NUP93: variants seen among roughly 807,000 people sequenced by gnomAD.
NUP93 encodes the protein nuclear pore complex protein Nup93.
Under a neutral mutation model 107.8 loss-of-function variants are expected in NUP93, and 55 were observed. The ratio of observed to expected loss-of-function variants is 0.51; its 90% confidence interval spans 0.41 to 0.64. The LOEUF (loss-of-function observed/expected upper bound fraction) is 0.64, where lower values mean the gene tolerates loss of function less well. NUP93 is among the 30% of genes least tolerant of loss of function. The probability of loss-of-function intolerance (pLI) is 0.00; values close to 1 mark genes in which losing one functional copy is unlikely to be tolerated. For missense variants in NUP93, 937 were observed against 1,044.7 expected (o/e 0.90, Z 1.42); for synonymous variants, 390 against 397.5 (o/e 0.98, Z 0.22).
intron 7 of NUP93, among the ~76,000 whole-genome samples, chr16:56,822,936 G>T (rs79998055): frequency 0.035 from 5,395 of 152,218 alleles, 128 homozygotes; most frequent in East Asian, 0.075. Flanking sequence ...ATGAAAACAG[G>T]CTTTTCTCTT....
intron 5 of NUP93, among the ~76,000 whole-genome samples, chr16:56,807,319 G>GC (rs1173599686): frequency 1.3e-5 from 2 of 152,100 alleles, no homozygotes; most frequent in African/African-American, 2.4e-5. Flanking sequence ...ACCTTCCAAG[G>GC]CCCTGAAATC....
chr16:56,761,588 C>G (rs1453549984), intron 3 of NUP93, among the ~76,000 whole-genome samples: 3 of 151,816 alleles, frequency 2.0e-5, no homozygotes, highest in African/African-American at 7.3e-5. Flanking sequence ...AGAATGCACC[C>G]TAATTCCATG....
chr16:56,803,743 GAA>G (rs1244625405), intron 4 of NUP93, among the ~76,000 whole-genome samples: 5 of 40,220 alleles, frequency 1.2e-4, no homozygotes, highest in African/African-American at 1.1e-3. Flanking sequence ...AAAAAACAGG[GAA>G]AAATATATAT....
intron 5 of NUP93, among the ~76,000 whole-genome samples, chr16:56,809,960 A>C (rs974804392): frequency 6.6e-6 from 1 of 152,226 alleles, no homozygotes; most frequent in Non-Finnish European, 1.5e-5. Context: ...TAATTAGAAC[A>C]GCTCATGGTT....
chr16:56,749,420 A>G (rs1167780714), intron 2 of NUP93, among the ~76,000 whole-genome samples: 1 of 152,018 alleles, frequency 6.6e-6, no homozygotes, highest in Non-Finnish European at 1.5e-5. Flanking sequence ...AGTGAGGTTG[A>G]CTCCAGAGTG....
At chr16:56,791,523 C>T (rs76018481) in intron 3 of NUP93, among the ~76,000 whole-genome samples, 2,327 of 152,264 alleles carry the variant, frequency 0.015, 29 homozygotes, top group Admixed American at 0.04. Flanking sequence ...GGCCATTTGG[C>T]GAAAACAAAC....
chr16:56,748,061 T>C (rs1182530306), intron 1 of NUP93, 173 bp from the exon 2 acceptor site: 11 of 473,746 alleles, frequency 2.3e-5, no homozygotes, highest in Non-Finnish European at 3.8e-6. Context: ...TCATTTTCTC[T>C]GTCAGGCCTG....
Position 56,844,578 on chromosome 16 carries a change from G to A in NUP93, c.2429G>A (p.Arg810Lys). ...PYRTSGDTNARLVQMEVLMN is the reference protein window; with the variant it reads ...PYRTSGDTNAKLVQMEVLMN ...CGAACGTCTGGGGACACCAATGCGAGGCTGGTGCAGATGGAGGTCCTCATG... is the reference window on the plus strand; with the variant it reads ...CGAACGTCTGGGGACACCAATGCGAAGCTGGTGCAGATGGAGGTCCTCATG... The change falls in exon 22 of 22, where the codon AGG becomes AAG. Residue 810 changes from arginine to lysine, a missense_variant. Arg to Lys is a conservative substitution (Grantham distance 26). Coordinates refer to ENST00000308159, the MANE Select transcript of NUP93 (RefSeq NM_014669.5). 6.3e-7 allele frequency: 1 copy of A among 1,592,564 alleles called. No individual in the cohort carries two copies. Among genetic ancestry groups the A allele is most frequent in the Non-Finnish European group, 8.5e-7 (1 of 1,169,724 alleles).
At chr16:56,821,689 G>C in intron 7 of NUP93, 96 bp downstream of exon 7, 3 of 709,796 alleles carry the variant, frequency 4.2e-6, no homozygotes, top group Non-Finnish European at 7.5e-6. Context: ...GCGGAGACAC[G>C]CCATTCTGTG....
chr16:56,794,986 C>T (rs1355962912), intron 3 of NUP93, among the ~76,000 whole-genome samples: 1 of 140,674 alleles, frequency 7.1e-6, no homozygotes, highest in Non-Finnish European at 1.5e-5. Context: ...TCATTATTGA[C>T]TGGGAAGAAC....
At chr16:56,833,986 G>C (rs1963856497) in intron 13 of NUP93, 142 bp from the exon 14 acceptor site, 5 of 1,144,566 alleles carry the variant, frequency 4.4e-6, no homozygotes, top group Admixed American at 2.1e-5. Flanking sequence ...AAAAGGGACT[G>C]GCCAAAGCTT....
At chr16:56,788,522 T>C (rs1016046142) in intron 3 of NUP93, among the ~76,000 whole-genome samples, 2 of 152,238 alleles carry the variant, frequency 1.3e-5, no homozygotes, top group Non-Finnish European at 2.9e-5. Context: ...TCATTTATAT[T>C]ATGCCCTTAA....
chr16:56,770,269 A>G (rs1194255524), intron 3 of NUP93, among the ~76,000 whole-genome samples: 1 of 152,182 alleles, frequency 6.6e-6, no homozygotes, highest in African/African-American at 2.4e-5. Context: ...AATCTAGCTG[A>G]AGGGCTGGTG....
intron 2 of NUP93, among the ~76,000 whole-genome samples, chr16:56,749,611 G>A (rs1230673964): frequency 6.6e-6 from 1 of 152,200 alleles, no homozygotes; most frequent in Admixed American, 6.5e-5. Context: ...GTTAATGTGG[G>A]ACATCGTCTG....
intron 3 of NUP93, among the ~76,000 whole-genome samples, chr16:56,796,007 G>C (rs1423819407): frequency 9.9e-5 from 15 of 152,172 alleles, no homozygotes; most frequent in African/African-American, 3.6e-4. Context: ...ATCCATCCCA[G>C]TGCACTGCCC....
At chr16:56,787,985 A>T (rs1302222052) in intron 3 of NUP93, among the ~76,000 whole-genome samples, 1 of 152,154 alleles carries the variant, frequency 6.6e-6, no homozygotes, top group Non-Finnish European at 1.5e-5. Context: ...CACTGTTAAT[A>T]TTCCATTTGT....
chr16:56,814,807 C>T (rs1027066606), intron 5 of NUP93, among the ~76,000 whole-genome samples: 2 of 152,226 alleles, frequency 1.3e-5, no homozygotes, highest in Non-Finnish European at 2.9e-5. Context: ...GCTCCCTGCT[C>T]CTGTCATCTT....
intron 5 of NUP93, among the ~76,000 whole-genome samples, chr16:56,816,650 G>A (rs1156652371): frequency 6.6e-6 from 1 of 152,188 alleles, no homozygotes; most frequent in Admixed American, 6.5e-5. Flanking sequence ...ATACTAGCAG[G>A]CTTGTGTTTC....
intron 2 of NUP93, among the ~76,000 whole-genome samples, chr16:56,752,776 G>C (rs1186655692): frequency 6.6e-6 from 1 of 152,224 alleles, no homozygotes; most frequent in African/African-American, 2.4e-5. Flanking sequence ...CAGTAATTAA[G>C]ACTATGGTAC....
Sources: gnomAD v4.1 joint callset for allele counts (sites outside exome capture counted in the v4.1 genomes callset) on GRCh38, gnomAD v4.1.1 for gene constraint, MANE v1.5 for transcripts, NCBI Gene and HGNC (gene_info 2026-07-23, HGNC 2026-07-21) for gene names.